GSG1L: variants seen among roughly 807,000 people sequenced by gnomAD.
GSG1L encodes the protein GSG1 like.
In GSG1L, 24 loss-of-function variants were observed where a neutral mutation model predicts 42.1. The observed-to-expected ratio is 0.57, with a 90% confidence interval of 0.41 to 0.80. The LOEUF is 0.80. GSG1L is among the 30% of genes least tolerant of loss of function. GSG1L has a pLI of 0.00. For synonymous variants in GSG1L, 215 were observed against 203.5 expected, an observed-to-expected ratio of 1.06 and a Z score of -0.48; for missense variants, 445 against 472.2, an observed-to-expected ratio of 0.94 and a Z score of 0.53.
intron 3 of GSG1L, among the ~76,000 whole-genome samples, chr16:27,881,179 A>G (rs1419080774): frequency 6.6e-6 from 1 of 151,358 alleles, no homozygotes; most frequent in African/African-American, 2.4e-5. Context: ...ATAGGAATTT[A>G]TGTGCCATTT....
intron 1 of GSG1L, among the ~76,000 whole-genome samples, chr16:28,056,407 T>G (rs1348404284): frequency 1.6e-5 from 2 of 127,562 alleles, no homozygotes; most frequent in African/African-American, 3.1e-5. Context: ...CACTTATAGG[T>G]GGGAATTGAA....
Position 27,902,439 on chromosome 16 carries a change from G to A in GSG1L, c.398-17801C>T, listed in dbSNP as rs946922099. On this transcript the variant is annotated intron_variant, in intron 2 of 6. Transcript: ENST00000447459. ...GGGAAGCTGATTCCGCAGAGAGGCC[G>A]ATGCCAAGGGGGAATCTGGCTTCAG... Among the ~76,000 whole-genome samples the A allele has an allele frequency of 2.0e-5, 3 of 152,170 alleles. No homozygotes were observed. In the South Asian group the frequency reaches 6.2e-4, roughly 32 times the overall value.
chr16:28,012,914 C>T (rs1187653380), intron 1 of GSG1L, among the ~76,000 whole-genome samples: 3 of 140,562 alleles, frequency 2.1e-5, no homozygotes, highest in African/African-American at 8.1e-5. Context: ...AAAAAAGTTA[C>T]TTCAATGCAA....
chr16:27,946,633 A>AGAGAGAGAGAGAGAGAGAG (rs2084871610), intron 2 of GSG1L, among the ~76,000 whole-genome samples: 1 of 33,326 alleles, frequency 3.0e-5, no homozygotes, highest in African/African-American at 1.2e-4. Context: ...GAGAGAGAGA[A>AGAGAGAGAGAGAGAGAGAG]AGAAAGAAAG....
intron 1 of GSG1L, among the ~76,000 whole-genome samples, chr16:27,969,879 T>C (rs562511492): frequency 6.6e-6 from 1 of 152,338 alleles, no homozygotes; most frequent in East Asian, 1.9e-4. Context: ...CTATTGTTCG[T>C]CTTTTTTTAT....
chr16:27,866,932 T>C (rs1596568007), intron 3 of GSG1L, among the ~76,000 whole-genome samples: 1 of 152,102 alleles, frequency 6.6e-6, no homozygotes, highest in African/African-American at 2.4e-5. Context: ...GGGTGATGAA[T>C]GCAGCTCACG....
At chr16:27,864,996 C>T (rs1240555374) in intron 3 of GSG1L, among the ~76,000 whole-genome samples, 2 of 152,302 alleles carry the variant, frequency 1.3e-5, no homozygotes, top group African/African-American at 4.8e-5. Flanking sequence ...TGCCACAAGG[C>T]TCAGGGTTTG....
intron 6 of GSG1L, among the ~76,000 whole-genome samples, chr16:27,794,497 A>AT (rs2082795501): frequency 6.6e-6 from 1 of 151,626 alleles, no homozygotes; most frequent in African/African-American, 2.4e-5. Context: ...CGCCCAGCTA[A>AT]TTTTTTTGTA....
chr16:28,055,046 A>G (rs1468291332), intron 1 of GSG1L, among the ~76,000 whole-genome samples: 2 of 152,206 alleles, frequency 1.3e-5, no homozygotes, highest in Admixed American at 6.5e-5. Context: ...GTGGGATTTT[A>G]GTTGGTGGCT....
intron 2 of GSG1L, among the ~76,000 whole-genome samples, chr16:27,958,428 G>A (rs71377617): frequency 0.21 from 25,859 of 123,008 alleles, 2,927 homozygotes; most frequent in East Asian, 0.51. Flanking sequence ...AAAAAAAAAA[G>A]AAAAGAAAAC....
intron 2 of GSG1L, among the ~76,000 whole-genome samples, chr16:27,952,590 A>T (rs2084962166): frequency 6.6e-6 from 1 of 152,228 alleles, no homozygotes; most frequent in Non-Finnish European, 1.5e-5. Context: ...AAGGGACTGT[A>T]GGAGGCAGGG....
intron 2 of GSG1L, among the ~76,000 whole-genome samples, chr16:27,895,285 A>T (rs1443983332): frequency 6.6e-6 from 1 of 152,152 alleles, no homozygotes; most frequent in Admixed American, 6.5e-5. Context: ...TCACGTGATG[A>T]TGGCTGTGGG....
chr16:27,896,379 T>C (rs938622243), intron 2 of GSG1L, among the ~76,000 whole-genome samples: 1 of 152,146 alleles, frequency 6.6e-6, no homozygotes, highest in Admixed American at 6.5e-5. Context: ...CCAGGATACG[T>C]TACCTTGCAT....
At chr16:27,909,154 A>G (rs1310597733) in intron 2 of GSG1L, among the ~76,000 whole-genome samples, 1 of 152,130 alleles carries the variant, frequency 6.6e-6, no homozygotes, top group Non-Finnish European at 1.5e-5. Context: ...TCTGGCACAC[A>G]GCAAGAGTTC....
intron 4 of GSG1L, among the ~76,000 whole-genome samples, chr16:27,833,601 T>A (rs967127321): frequency 2.6e-5 from 4 of 152,212 alleles, no homozygotes; most frequent in East Asian, 1.9e-4. Context: ...TTTATTTAGA[T>A]CTTCCTTGAT....
intron 3 of GSG1L, among the ~76,000 whole-genome samples, chr16:27,856,294 C>A (rs1351724749): frequency 6.6e-6 from 1 of 152,144 alleles, no homozygotes; most frequent in Non-Finnish European, 1.5e-5. Flanking sequence ...GTTTTAGATT[C>A]TTCATGAATG....
intron 1 of GSG1L, among the ~76,000 whole-genome samples, chr16:28,049,941 T>C (rs2086204430): frequency 2.0e-5 from 3 of 152,202 alleles, no homozygotes; most frequent in Non-Finnish European, 4.4e-5. Context: ...TATGAAATTA[T>C]TGATTTATCT....
chr16:27,803,857 G>C (rs1025722175), intron 6 of GSG1L, among the ~76,000 whole-genome samples: 7 of 147,686 alleles, frequency 4.7e-5, no homozygotes, highest in African/African-American at 1.7e-4. Flanking sequence ...ATAGATGGTA[G>C]ATAGGATAGA....
chr16:28,007,884 T>C (rs916383109), intron 1 of GSG1L, among the ~76,000 whole-genome samples: 7 of 152,108 alleles, frequency 4.6e-5, no homozygotes, highest in African/African-American at 1.4e-4. Flanking sequence ...GCAGATGCAA[T>C]TGACAGCAAT....
Sources: gnomAD v4.1 joint callset for allele counts (sites outside exome capture counted in the v4.1 genomes callset) on GRCh38, gnomAD v4.1.1 for gene constraint, MANE v1.5 for transcripts, NCBI Gene and HGNC (gene_info 2026-07-23, HGNC 2026-07-21) for gene names.